ARMCX4: variants seen among roughly 807,000 people sequenced by gnomAD.
ARMCX4 encodes the protein armadillo repeat-containing X-linked protein 4.
Under a neutral mutation model 34.7 loss-of-function variants are expected in ARMCX4, and 3 were observed. The observed-to-expected ratio is 0.09, with a 90% confidence interval of 0.04 to 0.22. The LOEUF is 0.22. Among genes scored for constraint, ARMCX4 ranks in the 10% least tolerant of loss-of-function variants. ARMCX4 has a pLI of 1.00. For missense variants in ARMCX4, 1,448 were observed against 1,720.8 expected, an observed-to-expected ratio of 0.84 and a Z score of 2.81; for synonymous variants, 513 against 632.8, an observed-to-expected ratio of 0.81 and a Z score of 2.84.
intron 11 of ARMCX4, among the ~76,000 whole-genome samples, chrX:101,529,467 G>C (rs1367855412): frequency 8.9e-6 from 1 of 111,748 alleles, no homozygotes; most frequent in African/African-American, 3.3e-5. Flanking sequence ...GGCAACAAAA[G>C]CCAAAATTGA....
At chrX:101,476,664 A>G (rs782160834) in intron 4 of ARMCX4, among the ~76,000 whole-genome samples, 1 of 111,665 alleles carries the variant, frequency 9.0e-6, no homozygotes, top group Non-Finnish European at 1.9e-5. Context: ...ATGAGAATGG[A>G]AATAAACCCA....
At chrX:101,523,793 A>C (rs1326484458) in intron 11 of ARMCX4, among the ~76,000 whole-genome samples, 10 of 112,219 alleles carry the variant, frequency 8.9e-5, no homozygotes, top group Non-Finnish European at 1.7e-4. Flanking sequence ...AATATAAATG[A>C]ATTTTGTAAT....
chrX:101,531,988 C>G (rs782729579), exon 12 of ARMCX4: 1 of 112,315 alleles, frequency 8.9e-6, no homozygotes, highest in Non-Finnish European at 1.9e-5. Context: ...ACAAAGTTGT[C>G]TCTGACCAAG....
upstream of ARMCX4, among the ~76,000 whole-genome samples, chrX:101,482,890 C>CTTTTTTTTTTT: frequency 1.8e-5 from 1 of 54,728 alleles, no homozygotes; most frequent in Non-Finnish European, 3.0e-5. Flanking sequence ...TTGCGTCAGG[C>CTTTTTTTTTTT]TTTTTTTTTT....
chrX:101,421,834 A>G (rs181413400), intron 2 of ARMCX4, among the ~76,000 whole-genome samples: 45 of 110,317 alleles, frequency 4.1e-4, no homozygotes, highest in African/African-American at 1.3e-3. Context: ...TATTACTGCA[A>G]CCGCCCAGTG....
rs863223372 is a variant in ARMCX4, at chrX:101,489,163, A to T, written c.574A>T (p.Thr192Ser). 8.7e-7 allele frequency: 1 copy of T among 1,155,833 alleles called. No individual in the cohort carries two copies. The highest frequency in any genetic ancestry group is 2.6e-5 in the Admixed American group (1 of 38,730). The change falls in exon 6 of 6, where the codon ACT becomes TCT. Residue 192 changes from threonine to serine, a missense_variant. Thr to Ser is a moderately conservative substitution (Grantham distance 58). This residue lies in a region of ARMCX4 where 1,343 missense variants were observed against 1,540.7 expected (regional missense o/e 0.87). Coordinates refer to ENST00000423738, the MANE Select transcript of ARMCX4 (RefSeq NM_001256155.3). ...REAMTQTKAE[T>S]HILAEKETEI... is the part of the protein sequence containing the mutation. ...AGCAATGACCCAGACCAAAGCTGAA[A>T]CTCATATATTGGCTGAAAAAGAGAC...
Position 101,428,964 on chromosome X carries a change from C to T in ARMCX4, n.164+9964C>T, listed in dbSNP as rs959051786. 9.7e-5 allele frequency among the ~76,000 whole-genome samples: 10 copies of T among 103,317 alleles called. No individual in the cohort carries two copies. In the East Asian group the frequency reaches 1.5e-3, roughly 16 times the overall value. The allele number at this position is 103,317 out of a possible 115,157, so 89.7% of individuals were successfully genotyped here. On this transcript the variant is annotated intron_variant and non_coding_transcript_variant, in intron 2 of 3. Transcript: ENST00000430461. ...ACAGCTCACTGCAGCCTCAACCTTT[C>T]GGGCTCAGGCAATCCTCCTGTCTCA...
chrX:101,426,043 G>A (rs782623983), intron 2 of ARMCX4, among the ~76,000 whole-genome samples: 33 of 110,137 alleles, frequency 3.0e-4, no homozygotes, highest in Non-Finnish European at 5.3e-4. Flanking sequence ...GTCTGGTCTC[G>A]AATTCCAGGG....
chrX:101,465,932 T>C (rs1556001912), intron 4 of ARMCX4, among the ~76,000 whole-genome samples: 2 of 111,244 alleles, frequency 1.8e-5, no homozygotes, highest in African/African-American at 3.3e-5. Context: ...AGAAAATATT[T>C]GTGATCTTGT....
intron 4 of ARMCX4, among the ~76,000 whole-genome samples, chrX:101,454,728 CTT>C (rs1310016188): frequency 9.0e-6 from 1 of 111,430 alleles, no homozygotes; most frequent in Non-Finnish European, 1.9e-5. Flanking sequence ...AAGTAAATGT[CTT>C]TGTCAATTCG....
rs1434767901 is a variant in ARMCX4 at position 101,440,931 on chromosome X, C to T, written n.165-3121C>T. 5.4e-5 allele frequency among the ~76,000 whole-genome samples: 6 copies of T among 111,309 alleles called. No individual in the cohort carries two copies. In the East Asian group the frequency reaches 1.4e-3, roughly 26 times the overall value. ...GACCCCTTGTACTTCCCGGGTGAGG[C>T]GATGCCTTGCCCTGCTTTGGCTCAT... On this transcript the variant is annotated intron_variant and non_coding_transcript_variant, in intron 2 of 3. Coordinates refer to the ARMCX4 transcript ENST00000430461.
chrX:101,433,735 A>G (rs1214188041), intron 2 of ARMCX4, among the ~76,000 whole-genome samples: 1 of 111,282 alleles, frequency 9.0e-6, no homozygotes, highest in Admixed American at 9.6e-5. Flanking sequence ...TTGAGTACAG[A>G]AAACAGGACA....
intron 11 of ARMCX4, among the ~76,000 whole-genome samples, chrX:101,524,672 C>A (rs1468650222): frequency 1.8e-5 from 2 of 111,744 alleles, no homozygotes; most frequent in Non-Finnish European, 3.8e-5. Flanking sequence ...CTGCACCTGG[C>A]TCGGCGGGTC....
rs782454258 is a variant in ARMCX4 at position 101,518,484 on chromosome X, A to C, written c.*1780+7429A>C. On this transcript the variant is annotated intron_variant and NMD_transcript_variant, in intron 11 of 12. Transcript: ENST00000354842. ...CATTAAAATGTAGAATTTTCAAGTGACTAGAGGGAAAAATTTGTCAGAAAA... is the reference window on the plus strand; with the variant it reads ...CATTAAAATGTAGAATTTTCAAGTGCCTAGAGGGAAAAATTTGTCAGAAAA... 5.4e-5 allele frequency among the ~76,000 whole-genome samples: 6 copies of C among 111,564 alleles called. No homozygotes were observed. In the East Asian group the frequency reaches 1.4e-3, roughly 26 times the overall value.
intron 7 of ARMCX4, among the ~76,000 whole-genome samples, chrX:101,503,753 G>T (rs1261654368): frequency 9.0e-6 from 1 of 110,852 alleles, no homozygotes; most frequent in African/African-American, 3.3e-5. Context: ...TCACTCTGAT[G>T]GTAGTTTCTT....
Position 101,493,643 on chromosome X carries a change from C to T in ARMCX4, c.5054C>T (p.Ala1685Val). ...AGCCAAGCCAGTGGAGAATCCTGGGCTGGATCTAGGCCTGGGAATGAGGCC... is the reference window on the plus strand; with the variant it reads ...AGCCAAGCCAGTGGAGAATCCTGGGTTGGATCTAGGCCTGGGAATGAGGCC... ...AGSQASGESW[A>V]GSRPGNEAIG... Residue 1685 changes from alanine (A) to valine (V), a missense_variant, in exon 6 of 6, where the codon GCT (alanine) becomes GTT (valine). Transcript: ENST00000423738. 1.7e-6 allele frequency: 2 copies of T among 1,153,705 alleles called. No individual in the cohort carries two copies. Among genetic ancestry groups the T allele is most frequent in the Admixed American group, 5.2e-5 (2 of 38,447 alleles).
upstream of ARMCX4, among the ~76,000 whole-genome samples, chrX:101,483,092 C>T (rs1157523846): frequency 1.8e-4 from 20 of 108,603 alleles, no homozygotes; most frequent in Admixed American, 1.8e-3. Context: ...AACGGGGTTT[C>T]ACCACGTTGG....
At chrX:101,515,356 T>TTTCTTTCTTTCTTTCC (rs1301089656) in intron 11 of ARMCX4, among the ~76,000 whole-genome samples, 800 of 27,237 alleles carry the variant, frequency 0.029, 92 homozygotes, top group Non-Finnish European at 0.047. Flanking sequence ...TCTTTCTTTC[T>TTTCTTTCTTTCTTTCC]TTCTTTCTTT....
At chrX:101,447,334 C>T (rs1313009722), downstream of ARMCX4, among the ~76,000 whole-genome samples, 4 of 112,242 alleles carry the variant, frequency 3.6e-5, no homozygotes, top group African/African-American at 1.3e-4. Flanking sequence ...ACCACAGTCC[C>T]CTTAATTTTA....
Sources: allele counts gnomAD v4.1 joint callset (sites outside exome capture counted in the v4.1 genomes callset), GRCh38; gene constraint gnomAD v4.1.1; regional missense constraint gnomAD v4.1.1; transcripts MANE v1.5; gene names NCBI Gene and HGNC (gene_info 2026-07-23, HGNC 2026-07-21).